The following TBC1D5 variants were observed in gnomAD, a reference collection of about 807,000 sequenced individuals.
TBC1D5 encodes TBC1 domain family member 5.
Under a neutral mutation model 100.3 loss-of-function variants are expected in TBC1D5, and 75 were observed. The observed-to-expected ratio is 0.75, with a 90% CI of 0.62 to 0.91. TBC1D5 has a LOEUF of 0.91. Ranked by LOEUF, TBC1D5 falls within the 40% of genes least tolerant of loss-of-function variation. The pLI, the probability that TBC1D5 is intolerant of heterozygous loss-of-function variation, is 0.00. For synonymous variants in TBC1D5, 323 were observed against 325.6 expected (o/e 0.99, Z 0.09); for missense variants, 910 against 942.4 (o/e 0.97, Z 0.45).
At chr3:17,182,688 A>C (rs969628259) in intron 19 of TBC1D5, among the ~76,000 whole-genome samples, 2 of 152,218 alleles carry the variant, frequency 1.3e-5, no homozygotes, top group Non-Finnish European at 2.9e-5. Flanking sequence ...TTCATTTTAA[A>C]ATTAAAATTA....
At chr3:17,679,110 C>T (rs2069099566) in intron 1 of TBC1D5, among the ~76,000 whole-genome samples, 1 of 149,604 alleles carries the variant, frequency 6.7e-6, no homozygotes, top group African/African-American at 2.5e-5. Flanking sequence ...TTGGGATCCA[C>T]GGATATGAAC....
chr3:17,551,507 A>G (rs765728697), intron 2 of TBC1D5, among the ~76,000 whole-genome samples: 3 of 152,152 alleles, frequency 2.0e-5, no homozygotes, highest in Non-Finnish European at 4.4e-5. Flanking sequence ...ATTTTACAAC[A>G]TGAGCATTCC....
At chr3:17,700,897 T>C (rs2073080192) in intron 1 of TBC1D5, among the ~76,000 whole-genome samples, 1 of 152,136 alleles carries the variant, frequency 6.6e-6, no homozygotes, top group Admixed American at 6.6e-5. Flanking sequence ...GTAAACCAGT[T>C]CAACCATTGT....
At position 17,718,554 on chromosome 3, in the gene TBC1D5, G is replaced by A. The variant is rs564060474; in HGVS notation, c.-101+20789C>T. Among the ~76,000 whole-genome samples, 36 of 152,180 alleles carry A rather than the reference G, an allele frequency of 2.4e-4. No individual in the cohort carries two copies. The South Asian group carries it at 6.4e-3, about 27-fold the overall frequency. Reference sequence around the variant, plus strand: ...AGAGCTTGCAGTAAGCCGAGATCGCGCCACTGCACTCCAGCCTGGGTGACA... The same window carrying A: ...AGAGCTTGCAGTAAGCCGAGATCGCACCACTGCACTCCAGCCTGGGTGACA... On this transcript the variant is annotated intron_variant, in intron 1 of 21. Transcript: ENST00000253692.
chr3:17,615,088 C>A (rs1228326470), intron 2 of TBC1D5, among the ~76,000 whole-genome samples: 1 of 152,144 alleles, frequency 6.6e-6, no homozygotes, highest in African/African-American at 2.4e-5. Context: ...GAGTTTTTAG[C>A]ATGAAGGGCT....
chr3:17,211,042 G>A (rs773337491), intron 18 of TBC1D5, among the ~76,000 whole-genome samples: 2 of 152,116 alleles, frequency 1.3e-5, no homozygotes, highest in Non-Finnish European at 2.9e-5. Flanking sequence ...TTCTTGTTCT[G>A]CATAGCCTGT....
At chr3:17,492,126 G>A (rs1189424404) in intron 3 of TBC1D5, among the ~76,000 whole-genome samples, 1 of 152,084 alleles carries the variant, frequency 6.6e-6, no homozygotes, top group African/African-American at 2.4e-5. Context: ...GTATTTCTGT[G>A]GGGTCAGTGG....
At chr3:17,431,704 C>G (rs1003150785) in intron 3 of TBC1D5, among the ~76,000 whole-genome samples, 2 of 151,910 alleles carry the variant, frequency 1.3e-5, no homozygotes, top group African/African-American at 4.8e-5. Context: ...CTGATAGTTA[C>G]ATTGGCTTAA....
chr3:17,685,391 T>C (rs570350729), intron 1 of TBC1D5, among the ~76,000 whole-genome samples: 1 of 152,046 alleles, frequency 6.6e-6, no homozygotes, highest in South Asian at 2.1e-4. Context: ...ATTCATCAGA[T>C]AAATAATTTA....
chr3:17,571,877 A>C (rs138915196), intron 2 of TBC1D5, among the ~76,000 whole-genome samples: 7 of 152,068 alleles, frequency 4.6e-5, no homozygotes, highest in Admixed American at 3.9e-4. Flanking sequence ...GATTCACTGT[A>C]GTGTTTAAGC....
At chr3:17,237,246 T>A (rs1451626126) in intron 17 of TBC1D5, among the ~76,000 whole-genome samples, 5 of 152,212 alleles carry the variant, frequency 3.3e-5, no homozygotes, top group Non-Finnish European at 7.3e-5. Context: ...GTCTTAGGAT[T>A]GCTTTTTAAG....
chr3:17,371,537 T>C (rs952648181), intron 13 of TBC1D5, among the ~76,000 whole-genome samples: 1 of 152,162 alleles, frequency 6.6e-6, no homozygotes, highest in Non-Finnish European at 1.5e-5. Context: ...CTTCTTCATC[T>C]CTAATAAAGG....
intron 15 of TBC1D5, among the ~76,000 whole-genome samples, chr3:17,279,036 C>T (rs1190737676): frequency 1.3e-5 from 2 of 152,164 alleles, no homozygotes; most frequent in African/African-American, 4.8e-5. Flanking sequence ...TGAAAAAGCT[C>T]TTACTTTCAT....
intron 1 of TBC1D5, among the ~76,000 whole-genome samples, chr3:17,630,268 A>AT (rs568324550): frequency 5.2e-4 from 79 of 152,118 alleles, no homozygotes; most frequent in Non-Finnish European, 1.0e-3. Context: ...CAGATGCTGC[A>AT]TTTTTTTTAC....
chr3:17,171,747 G>A (rs2125231556), intron 19 of TBC1D5, among the ~76,000 whole-genome samples: 1 of 152,168 alleles, frequency 6.6e-6, no homozygotes, highest in East Asian at 1.9e-4. Context: ...ACGTTCACAG[G>A]TTCCAGGTGT....
intron 18 of TBC1D5, among the ~76,000 whole-genome samples, chr3:17,207,659 GAA>G (rs2072394399): frequency 6.6e-6 from 1 of 152,178 alleles, no homozygotes; most frequent in Non-Finnish European, 1.5e-5. Context: ...GTGGATTATA[GAA>G]AGGGTATGTG....
chr3:17,424,973 T>C (rs970211199), intron 4 of TBC1D5, among the ~76,000 whole-genome samples: 4 of 152,210 alleles, frequency 2.6e-5, no homozygotes, highest in African/African-American at 4.8e-5. Context: ...ATGTCAGATA[T>C]TGAGAATGTC....
chr3:17,382,302 A>G (rs2092978230), intron 9 of TBC1D5, among the ~76,000 whole-genome samples: 1 of 152,038 alleles, frequency 6.6e-6, no homozygotes, highest in Admixed American at 6.6e-5. Flanking sequence ...GTGAGATTCG[A>G]ACAAAGGAAT....
chr3:17,395,427 AAAAT>A (rs1328013922), intron 8 of TBC1D5, among the ~76,000 whole-genome samples: 1 of 152,174 alleles, frequency 6.6e-6, no homozygotes. Context: ...AAAAATTAAA[AAAAT>A]AAATACAAAG....
Sources: allele counts gnomAD v4.1 joint callset (sites outside exome capture counted in the v4.1 genomes callset), GRCh38; gene constraint gnomAD v4.1.1; transcripts MANE v1.5; gene names NCBI Gene and HGNC (gene_info 2026-07-23, HGNC 2026-07-21).